The following HSD17B4 variants were observed in gnomAD, a reference collection of about 807,000 sequenced individuals.
HSD17B4 encodes hydroxysteroid 17-beta dehydrogenase 4, also known as peroxisomal multifunctional enzyme type 2.
In HSD17B4, 70 loss-of-function variants were observed where a neutral mutation model predicts 101.0. The observed-to-expected ratio is 0.69, with a 90% confidence interval of 0.57 to 0.85. The LOEUF (loss-of-function observed/expected upper bound fraction) is 0.85, where lower values mean the gene tolerates loss of function less well. HSD17B4 is among the 40% of genes least tolerant of loss of function. The pLI, the probability that HSD17B4 is intolerant of heterozygous loss-of-function variation, is 0.00. For missense variants in HSD17B4, 984 were observed against 892.4 expected (o/e 1.10, Z -1.31); for synonymous variants, 347 against 297.1 (o/e 1.17, Z -1.73).
intron 18 of HSD17B4, among the ~76,000 whole-genome samples, 159 bp downstream of exon 18, chr5:119,525,444 A>T (rs910631629): frequency 6.6e-6 from 1 of 152,184 alleles, no homozygotes; most frequent in African/African-American, 2.4e-5. Flanking sequence ...GAAAGGTAGG[A>T]AATGTGTTCA....
chr5:119,475,941 A>T, intron 6 of HSD17B4, 71 bp downstream of exon 6: 1 of 1,197,824 alleles, frequency 8.3e-7, no homozygotes, highest in Non-Finnish European at 1.2e-6. Flanking sequence ...TGATAAATTT[A>T]TACATTTAAG....
intron 8 of HSD17B4, among the ~76,000 whole-genome samples, chr5:119,485,121 C>G (rs1206314301): frequency 6.6e-6 from 1 of 152,052 alleles, no homozygotes; most frequent in Admixed American, 6.6e-5. Flanking sequence ...CTTCTTTCTA[C>G]CCCCCTGCTT....
chr5:119,487,347 A>G (rs1349766867), intron 8 of HSD17B4: 1 of 150,324 alleles, frequency 6.7e-6, no homozygotes, highest in Non-Finnish European at 1.5e-5. Context: ...TACTTGGCTC[A>G]CTGTAATGCT....
rs1393357671 is a variant in HSD17B4, at chr5:119,489,184, T to C, written c.623-8T>C. 6 of 1,570,808 alleles carry C rather than the reference T, an allele frequency of 3.8e-6. No individual in the cohort carries two copies. The highest frequency in any genetic ancestry group is 5.3e-6 in the Non-Finnish European group (6 of 1,140,848). ...ATTGATAAGATATGTGTATATTCTT[T>C]ATTTCAGATCTTGTGGAAGCCCTGA... On this transcript the variant is annotated splice_region_variant and splice_polypyrimidine_tract_variant and intron_variant, in intron 8 of 23. Transcript: ENST00000510025.
chr5:119,530,845 C>CAAAAAAAAAAAAAAAAAA (rs11423247), intron 21 of HSD17B4, among the ~76,000 whole-genome samples: 3 of 56,326 alleles, frequency 5.3e-5, no homozygotes, highest in African/African-American at 6.7e-5. Context: ...AAGTCTGTCT[C>CAAAAAAAAAAAAAAAAAA]AAAAAAAAAA....
chr5:119,462,492 A>G (rs1755362408), intron 2 of HSD17B4, among the ~76,000 whole-genome samples: 1 of 151,948 alleles, frequency 6.6e-6, no homozygotes, highest in South Asian at 2.1e-4. Flanking sequence ...TTAAAAAGCT[A>G]TCTGGAGATT....
rs1748692405 is a variant in HSD17B4 at position 119,477,455 on chromosome 5, G to A, written c.388G>A (p.Val130Met). Residue 130 changes from valine to methionine, a missense_variant, in exon 7 of 24, where the codon GTG (valine) becomes ATG (methionine). Transcript: ENST00000510025. Reference sequence around the variant, plus strand: ...AGTTCATTTGCGGGGTTCATTCCAAGTGACACGGGCAGCATGGGAACACAT... The same window carrying A: ...AGTTCATTTGCGGGGTTCATTCCAAATGACACGGGCAGCATGGGAACACAT... ...HRVHLRGSFQVTRAAWEHMKK... is the reference protein window; with the variant it reads ...HRVHLRGSFQMTRAAWEHMKK... 6.2e-7 allele frequency: 1 copy of A among 1,613,088 alleles called. No homozygotes were observed. Among genetic ancestry groups the A allele is most frequent in the Non-Finnish European group, 8.5e-7 (1 of 1,179,186 alleles).
At chr5:119,462,867 C>T (rs986717992) in intron 2 of HSD17B4, among the ~76,000 whole-genome samples, 1 of 152,116 alleles carries the variant, frequency 6.6e-6, no homozygotes, top group Non-Finnish European at 1.5e-5. Flanking sequence ...ATTCAAAATC[C>T]TCTCTTCTAG....
chr5:119,483,502 C>T (rs1749335760), intron 8 of HSD17B4, among the ~76,000 whole-genome samples: 1 of 152,120 alleles, frequency 6.6e-6, no homozygotes, highest in Non-Finnish European at 1.5e-5. Context: ...ATATCATGAA[C>T]ATTTTCCCAT....
Position 119,502,047 on chromosome 5 carries a change from C to T in HSD17B4, c.1216C>T (p.His406Tyr), listed in dbSNP as rs371585154. 10 of 1,603,764 alleles carry T rather than the reference C, an allele frequency of 6.2e-6. No individual in the cohort carries two copies. Among genetic ancestry groups the T allele is most frequent in the African/African-American group, 1.3e-5 (1 of 74,678 alleles). Residue 406 changes from histidine to tyrosine, a missense_variant, in exon 14 of 24, where the codon CAT (histidine) becomes TAT (tyrosine). Coordinates refer to ENST00000510025, the MANE Select transcript of HSD17B4 (RefSeq NM_000414.4). ...TTTGTTTACCCTAACATAGGTTCTT[C>T]ATGGAGAGCAGTACTTAGAGTTATA... ...GLSINFAKVL[H>Y]GEQYLELYKP...
In HSD17B4 at chr5:119,496,643, A is replaced by G; in HGVS notation, c.969A>G (p.Gly323=). The G allele has an allele frequency of 6.4e-7, 1 of 1,562,614 alleles. No homozygotes were observed. The highest frequency in any genetic ancestry group is 8.8e-7 in the Non-Finnish European group (1 of 1,133,026). The stretch of plus-strand genomic sequence containing the variant: ...GTGCAACGTCTACAGCAACATCAGG[A>G]TTTGTAAGTGGGAAAAAAGCCTAAA... ...TSRATSTATS[G]FAGAIGQKLP... Residue 323 remains glycine, a synonymous_variant, in exon 12 of 24, where the codon GGA becomes GGG. Transcript: ENST00000510025.
chr5:119,473,314 CT>C (rs767536359), intron 2 of HSD17B4, among the ~76,000 whole-genome samples: 900 of 58,406 alleles, frequency 0.015, 2 homozygotes, highest in Middle Eastern at 0.034. Flanking sequence ...TTCCCTGCTC[CT>C]TTTTTTTTTT....
chr5:119,489,454 T>G (rs763510679), intron 9 of HSD17B4, among the ~76,000 whole-genome samples, 171 bp downstream of exon 9: 1 of 152,244 alleles, frequency 6.6e-6, no homozygotes, highest in Non-Finnish European at 1.5e-5. Flanking sequence ...TTATAAATTC[T>G]GTTTTTACTT....
chr5:119,524,392 A>G (rs1321656061), intron 17 of HSD17B4, among the ~76,000 whole-genome samples: 3 of 152,180 alleles, frequency 2.0e-5, no homozygotes, highest in Admixed American at 6.5e-5. Flanking sequence ...GTCTTTACAC[A>G]GCATTTCAGT....
At chr5:119,455,378 G>A (rs9327101) in intron 1 of HSD17B4, among the ~76,000 whole-genome samples, 8,755 of 152,060 alleles carry the variant, frequency 0.058, 743 homozygotes, top group East Asian at 0.42. Context: ...TTAGCTGGGC[G>A]TGGTGGCGGG....
chr5:119,452,806 C>G, intron 1 of HSD17B4, 173 bp downstream of exon 1: 1 of 1,538,832 alleles, frequency 6.5e-7, no homozygotes, highest in Non-Finnish European at 8.7e-7. Flanking sequence ...CCGGAAACAC[C>G]TGGTCTCTCA....
In HSD17B4 at chr5:119,502,030, C is replaced by G. The variant is rs779466683; in HGVS notation, c.1210-11C>G. The G allele has an allele frequency of 3.1e-6, 5 of 1,590,950 alleles. No individual in the cohort carries two copies. In the African/African-American group the frequency reaches 6.7e-5, roughly 21 times the overall value. ...AAGTTTGCTAATAAAATTTTGTTTACCCTAACATAGGTTCTTCATGGAGAG... is the reference window on the plus strand; with the variant it reads ...AAGTTTGCTAATAAAATTTTGTTTAGCCTAACATAGGTTCTTCATGGAGAG... On this transcript the variant is annotated splice_polypyrimidine_tract_variant and intron_variant, in intron 13 of 23. Transcript: ENST00000510025.
chr5:119,462,157 T>C (rs1402550299), intron 2 of HSD17B4, among the ~76,000 whole-genome samples: 2 of 151,642 alleles, frequency 1.3e-5, no homozygotes, highest in Non-Finnish European at 2.9e-5. Context: ...TTGACTATCA[T>C]AGTCTTACCA....
intron 8 of HSD17B4, among the ~76,000 whole-genome samples, chr5:119,481,296 C>A (rs939061908): frequency 6.6e-6 from 1 of 152,152 alleles, no homozygotes; most frequent in Non-Finnish European, 1.5e-5. Flanking sequence ...TCACAATTCA[C>A]GTTCTTCTGC....
Sources: allele counts gnomAD v4.1 joint callset (sites outside exome capture counted in the v4.1 genomes callset), GRCh38; gene constraint gnomAD v4.1.1; transcripts MANE v1.5; gene names NCBI Gene and HGNC (gene_info 2026-07-23, HGNC 2026-07-21).